The following USH2A variants were observed in gnomAD, a reference collection of about 807,000 sequenced individuals.
The protein encoded by USH2A is Usher syndrome 2A (autosomal recessive, mild).
Under a neutral mutation model 538.9 loss-of-function variants are expected in USH2A, and 443 were observed. That is an observed-to-expected ratio of 0.82 (90% CI 0.76 to 0.89). USH2A has a LOEUF of 0.89. USH2A is among the 40% of genes least tolerant of loss of function. The probability of loss-of-function intolerance (pLI) is 0.00; values close to 1 mark genes in which losing one functional copy is unlikely to be tolerated. For synonymous variants in USH2A, 2,413 were observed against 2,273.5 expected, an observed-to-expected ratio of 1.06 and a Z score of -1.75; for missense variants, 6,633 against 6,324.8, an observed-to-expected ratio of 1.05 and a Z score of -1.65.
At chr1:215,812,556 G>A (rs1662726502) in intron 49 of USH2A, among the ~76,000 whole-genome samples, 1 of 152,074 alleles carries the variant, frequency 6.6e-6, no homozygotes, top group African/African-American at 2.4e-5. Flanking sequence ...TAATTTACAG[G>A]AACCAGACGT....
At chr1:216,117,076 A>AG (rs2102590818) in intron 21 of USH2A, among the ~76,000 whole-genome samples, 1 of 152,282 alleles carries the variant, frequency 6.6e-6, no homozygotes, top group Non-Finnish European at 1.5e-5. Context: ...TGTCAGGAGT[A>AG]GGGCAAGAAG....
At chr1:215,924,881 A>T (rs949098827) in intron 38 of USH2A, among the ~76,000 whole-genome samples, 1 of 152,060 alleles carries the variant, frequency 6.6e-6, no homozygotes, top group Non-Finnish European at 1.5e-5. Flanking sequence ...ACATGAGAGT[A>T]TGCAAATATG....
At chr1:216,131,827 T>C (rs746073188) in intron 21 of USH2A, among the ~76,000 whole-genome samples, 1 of 152,152 alleles carries the variant, frequency 6.6e-6, no homozygotes, top group Non-Finnish European at 1.5e-5. Flanking sequence ...TAATTTATTA[T>C]TAATGATAGT....
In USH2A at chr1:215,697,910, G is replaced by A. The variant is rs564155702; in HGVS notation, c.12067-17534C>T. On this transcript the variant is annotated intron_variant, in intron 61 of 71. Coordinates refer to ENST00000307340, the MANE Select transcript of USH2A (RefSeq NM_206933.4). ...TGTTACATAGGTATACATGTGCCAT[G>A]CTGGTTTGCTGCACCCATCAGCCCG... 7.7e-4 allele frequency among the ~76,000 whole-genome samples: 118 copies of A among 152,260 alleles called. 1 individual carries two copies. Among genetic ancestry groups the A allele is most frequent in the Middle Eastern group, 6.8e-3 (2 of 294 alleles).
chr1:216,355,359 G>GAAAGAAAGAAAGAAAGAAAGAA (rs1558051889), intron 4 of USH2A, among the ~76,000 whole-genome samples: 12 of 149,456 alleles, frequency 8.0e-5, no homozygotes, highest in Non-Finnish European at 1.5e-4. Context: ...AAGAAAGAAA[G>GAAAGAAAGAAAGAAAGAAAGAA]AAAGAAAGAA....
At chr1:216,157,124 G>A (rs762739067) in intron 21 of USH2A, among the ~76,000 whole-genome samples, 11 of 151,882 alleles carry the variant, frequency 7.2e-5, no homozygotes, top group Non-Finnish European at 1.3e-4. Flanking sequence ...CACCCACCTC[G>A]GCCTCCCAAA....
At chr1:215,649,388 G>A (rs1656973007) in intron 65 of USH2A, among the ~76,000 whole-genome samples, 1 of 152,130 alleles carries the variant, frequency 6.6e-6, no homozygotes, top group Non-Finnish European at 1.5e-5. Context: ...CCTCATTGTG[G>A]TTTTAATAAG....
At position 215,627,418 on chromosome 1, in the gene USH2A, TTCC is replaced by T. The variant is rs1558027283; in HGVS notation, c.15519+1393_15519+1395del. Among the ~76,000 whole-genome samples the T allele has an allele frequency of 7.6e-5, 9 of 118,240 alleles. 1 individual carries two copies. The highest frequency in any genetic ancestry group is 2.9e-4 in the African/African-American group (9 of 31,436). 77.6% of individuals were successfully genotyped at this position (118,240 alleles called of 152,430 possible). On this transcript the variant is annotated intron_variant, in intron 71 of 71. Transcript: ENST00000307340. ...CTTCCTTCCTTCCTTCCTTCCTTCC[TTCC>T]TTCCTTCCTTCCTTCCTTCCTTCCT...
At chr1:216,016,720 A>G (rs1668721010) in intron 32 of USH2A, among the ~76,000 whole-genome samples, 1 of 152,168 alleles carries the variant, frequency 6.6e-6, no homozygotes, top group Non-Finnish European at 1.5e-5. Context: ...TAATTGTTGA[A>G]TAGTAAAACC....
In USH2A at chr1:216,009,860, A is replaced by C. The variant is rs186586119; in HGVS notation, c.6326-9298T>G. Among the ~76,000 whole-genome samples, 671 of 152,208 alleles carry C rather than the reference A, an allele frequency of 4.4e-3. 19 individuals are homozygous for C. Among genetic ancestry groups the C allele is most frequent in the Admixed American group, 0.04 (615 of 15,286 alleles). ...CTCTTAAAAAGGTGGCTAGAGCTAA[A>C]GGCATAGTCAAGGTTAATGCTCCTT... On this transcript the variant is annotated intron_variant, in intron 32 of 71. Coordinates refer to ENST00000307340, the MANE Select transcript of USH2A (RefSeq NM_206933.4).
At chr1:216,077,922 A>C (rs1350755767) in intron 27 of USH2A, among the ~76,000 whole-genome samples, 167 bp downstream of exon 27, 1 of 152,094 alleles carries the variant, frequency 6.6e-6, no homozygotes, top group East Asian at 1.9e-4. Context: ...AACTCTTTGA[A>C]AAAGTGTTTT....
At chr1:215,759,563 A>C in intron 57 of USH2A, 97 bp downstream of exon 57, 1 of 1,471,702 alleles carries the variant, frequency 6.8e-7, no homozygotes, top group Non-Finnish European at 9.4e-7. Flanking sequence ...AGTTAATTAA[A>C]CAATTTAACA....
At chr1:216,329,113 C>T (rs2037797154) in intron 4 of USH2A, among the ~76,000 whole-genome samples, 2 of 152,270 alleles carry the variant, frequency 1.3e-5, no homozygotes, top group Admixed American at 1.3e-4. Context: ...CTAAAACAGG[C>T]AGCTGGCACA....
rs974518477 is a variant in USH2A at position 215,764,990 on chromosome 1, G to A, written c.11047+1691C>T. On this transcript the variant is annotated intron_variant, in intron 56 of 71. Coordinates refer to ENST00000307340, the MANE Select transcript of USH2A (RefSeq NM_206933.4). ...GATACATAAAGTTAAAAAAAAAAAA[G>A]AAATCAAGGGCATTTCTCATATCAC... is the stretch of plus-strand genomic sequence containing the variant. Among the ~76,000 whole-genome samples, 3 of 150,488 alleles carry A rather than the reference G, an allele frequency of 2.0e-5. No homozygotes were observed. The East Asian group carries it at 5.9e-4, about 29-fold the overall frequency.
intron 5 of USH2A, 144 bp from the exon 6 acceptor site, chr1:216,325,743 A>C: frequency 1.2e-6 from 1 of 805,268 alleles, no homozygotes; most frequent in Non-Finnish European, 1.9e-6. Flanking sequence ...GAAACATAAA[A>C]TAAAACTTAT....
intron 49 of USH2A, among the ~76,000 whole-genome samples, chr1:215,813,206 G>T (rs1383161231): frequency 1.3e-5 from 2 of 152,156 alleles, no homozygotes; most frequent in Non-Finnish European, 2.9e-5. Flanking sequence ...TACTAAAAAG[G>T]GATGAAGGAA....
chr1:215,653,199 C>A (rs1213335514), intron 64 of USH2A, among the ~76,000 whole-genome samples: 1 of 152,148 alleles, frequency 6.6e-6, no homozygotes, highest in Non-Finnish European at 1.5e-5. Flanking sequence ...TGAACTTCTA[C>A]TAGGTGGAGT....
chr1:215,963,855 G>A (rs1177179991), intron 37 of USH2A, among the ~76,000 whole-genome samples: 2 of 152,002 alleles, frequency 1.3e-5, no homozygotes, highest in African/African-American at 4.8e-5. Context: ...ACCTTAATCT[G>A]TGACTGCCAA....
chr1:216,115,484 T>C (rs2032985141), intron 21 of USH2A, among the ~76,000 whole-genome samples: 1 of 152,152 alleles, frequency 6.6e-6, no homozygotes, highest in East Asian at 1.9e-4. Context: ...GATCAAGATT[T>C]CTCAAGAAAA....
Sources: allele counts gnomAD v4.1 joint callset (sites outside exome capture counted in the v4.1 genomes callset), GRCh38; gene constraint gnomAD v4.1.1; transcripts MANE v1.5; gene names NCBI Gene and HGNC (gene_info 2026-07-23, HGNC 2026-07-21).